Variants in KMT2C observed in about 807,000 individuals in gnomAD.
KMT2C encodes the protein histone-lysine N-methyltransferase 2C.
Under a neutral mutation model 507.9 loss-of-function variants are expected in KMT2C, and 88 were observed. The observed-to-expected ratio is 0.17, with a 90% CI of 0.15 to 0.21. The LOEUF (loss-of-function observed/expected upper bound fraction) is 0.21, where lower values mean the gene tolerates loss of function less well. KMT2C is among the 10% of genes least tolerant of loss of function. The pLI, the probability that KMT2C is intolerant of heterozygous loss-of-function variation, is 1.00. For synonymous variants in KMT2C, 2,049 were observed against 2,080.8 expected, an observed-to-expected ratio of 0.98 and a Z score of 0.42; for missense variants, 4,954 against 5,957.8, an observed-to-expected ratio of 0.83 and a Z score of 5.55.
intron 3 of KMT2C, among the ~76,000 whole-genome samples, chr7:152,325,280 C>A (rs1047779820): frequency 5.9e-5 from 9 of 151,444 alleles, no homozygotes; most frequent in Non-Finnish European, 7.4e-5. Context: ...TCCCAAGTAG[C>A]TGGGACTACA....
chr7:152,330,884 C>T (rs551088988), intron 2 of KMT2C, 145 bp from the exon 3 acceptor site: 15 of 707,536 alleles, frequency 2.1e-5, no homozygotes, highest in African/African-American at 1.2e-4. Flanking sequence ...AGTTCATGCA[C>T]GTAATTAGTG....
At chr7:152,289,185 A>G (rs1033726550) in intron 6 of KMT2C, among the ~76,000 whole-genome samples, 2 of 152,248 alleles carry the variant, frequency 1.3e-5, no homozygotes, top group African/African-American at 4.8e-5. Flanking sequence ...ATTGAAGCAA[A>G]AATTGTTACA....
chr7:152,191,209 C>G (rs1307767618), intron 31 of KMT2C, among the ~76,000 whole-genome samples: 1 of 152,220 alleles, frequency 6.6e-6, no homozygotes, highest in African/African-American at 2.4e-5. Context: ...ATCTCCTTGA[C>G]TAACTGCAAC....
intron 2 of KMT2C, among the ~76,000 whole-genome samples, chr7:152,334,909 T>A (rs2096920090): frequency 6.6e-6 from 1 of 152,208 alleles, no homozygotes; most frequent in African/African-American, 2.4e-5. Flanking sequence ...GGGGTCTCTG[T>A]TACAGCAGTT....
At position 152,138,841 on chromosome 7, in the gene KMT2C, G is replaced by A; in HGVS notation, c.14598C>T (p.His4866=). Residue 4866 remains histidine (H), a synonymous_variant, in exon 58 of 59, where the codon CAC becomes CAT. Coordinates refer to ENST00000262189, the MANE Select transcript of KMT2C (RefSeq NM_170606.3). The surrounding 1 kb of genome is among the most constrained non-coding windows in gnomAD (Gnocchi z 4.2). ...VAEVVTFERG[H]KIIISSSRRI... Reference sequence around the variant, plus strand: ...TCCGACTGGAGCTGATGATAATTTTGTGTCCTCTCTCAAAAGTCACCACTT... The same window carrying A: ...TCCGACTGGAGCTGATGATAATTTTATGTCCTCTCTCAAAAGTCACCACTT... The A allele has an allele frequency of 6.2e-7, 1 of 1,611,970 alleles. No homozygotes were observed.
intron 49 of KMT2C, 49 bp from the exon 50 acceptor site, chr7:152,151,630 A>C (rs2091626557): frequency 6.4e-7 from 1 of 1,552,398 alleles, no homozygotes; most frequent in Non-Finnish European, 8.8e-7. Flanking sequence ...TGATGACACA[A>C]GGTGGCACAT....
At chr7:152,331,642 A>ATTTTTTT (rs34778581) in intron 2 of KMT2C, among the ~76,000 whole-genome samples, 1 of 99,300 alleles carries the variant, frequency 1.0e-5, no homozygotes, top group Non-Finnish European at 2.0e-5. Context: ...CAACAAAAAG[A>ATTTTTTT]TTTTTTTTTT....
At chr7:152,305,917 C>T (rs557896207) in intron 6 of KMT2C, among the ~76,000 whole-genome samples, 9 of 152,290 alleles carry the variant, frequency 5.9e-5, no homozygotes, top group Admixed American at 2.6e-4. Flanking sequence ...AAGATCTAAG[C>T]ACTAGGTATT....
At chr7:152,314,521 T>C (rs1199432219) in intron 4 of KMT2C, among the ~76,000 whole-genome samples, 1 of 139,436 alleles carries the variant, frequency 7.2e-6, no homozygotes, top group Non-Finnish European at 1.5e-5. Flanking sequence ...CATACACACA[T>C]CATTACAAAA....
intron 2 of KMT2C, among the ~76,000 whole-genome samples, chr7:152,343,364 C>T (rs1370042713): frequency 6.7e-6 from 1 of 149,606 alleles, no homozygotes; most frequent in South Asian, 2.1e-4. Context: ...ATTAGTAGAC[C>T]TCACACAGCT....
At chr7:152,186,779 T>A (rs1203087599) in intron 33 of KMT2C, among the ~76,000 whole-genome samples, 2 of 152,212 alleles carry the variant, frequency 1.3e-5, no homozygotes, top group African/African-American at 4.8e-5. Flanking sequence ...CACTGGTTAA[T>A]CAGAATTTTC....
At chr7:152,292,611 T>C (rs1003635563) in intron 6 of KMT2C, among the ~76,000 whole-genome samples, 12 of 152,210 alleles carry the variant, frequency 7.9e-5, no homozygotes, top group African/African-American at 2.7e-4. Context: ...AAAACATTTT[T>C]AGCTCATGTC....
intron 32 of KMT2C, 94 bp from the exon 33 acceptor site, chr7:152,187,570 G>C: frequency 7.0e-7 from 1 of 1,419,526 alleles, no homozygotes; most frequent in Non-Finnish European, 9.7e-7. Flanking sequence ...TTACAAAACA[G>C]TTAAAAGTAA....
chr7:152,296,377 T>C (rs546616372), intron 6 of KMT2C, among the ~76,000 whole-genome samples: 1 of 146,892 alleles, frequency 6.8e-6, no homozygotes, highest in East Asian at 2.0e-4. Context: ...GAGGTTGCAG[T>C]GAGCCGAGAT....
intron 3 of KMT2C, among the ~76,000 whole-genome samples, chr7:152,329,605 AG>A (rs2096861256): frequency 6.7e-6 from 1 of 148,772 alleles, no homozygotes; most frequent in Non-Finnish European, 1.5e-5. Context: ...AAGGAAGAAA[AG>A]GGAAGAGGAA....
At chr7:152,161,704 A>G (rs565874261) in intron 43 of KMT2C, among the ~76,000 whole-genome samples, 1 of 152,344 alleles carries the variant, frequency 6.6e-6, no homozygotes, top group South Asian at 2.1e-4. Context: ...CCAGTGTGGT[A>G]TCCCTAAGAG....
chr7:152,243,142 G>C (rs1358138157), intron 14 of KMT2C, among the ~76,000 whole-genome samples: 1 of 152,196 alleles, frequency 6.6e-6, no homozygotes, highest in African/African-American at 2.4e-5. Flanking sequence ...AGTAGAACAA[G>C]AAATTAGACC....
intron 6 of KMT2C, among the ~76,000 whole-genome samples, chr7:152,274,307 CAA>C (rs142954076): frequency 2.0e-5 from 3 of 150,300 alleles, no homozygotes; most frequent in Admixed American, 2.0e-4. Context: ...AAAATAAATA[CAA>C]AATAAACTCA....
intron 9 of KMT2C, among the ~76,000 whole-genome samples, chr7:152,255,157 A>G (rs113993829): frequency 0.023 from 2,945 of 128,150 alleles, 125 homozygotes; most frequent in African/African-American, 0.079. Context: ...ATATATATAT[A>G]TGTGTGTGTG....
Sources: allele counts gnomAD v4.1 joint callset (sites outside exome capture counted in the v4.1 genomes callset), GRCh38; gene constraint gnomAD v4.1.1; non-coding constraint Gnocchi (gnomAD v3.1); transcripts MANE v1.5; gene names NCBI Gene and HGNC (gene_info 2026-07-23, HGNC 2026-07-21).